The following EYA2 variants were observed in gnomAD, a reference collection of about 807,000 sequenced individuals.
EYA2 encodes protein phosphatase EYA2.
EYA2 carries 31 observed loss-of-function variants against 69.2 expected under a neutral mutation model. The observed-to-expected ratio is 0.45, with a 90% CI of 0.34 to 0.60. The LOEUF (loss-of-function observed/expected upper bound fraction) is 0.60. Among genes scored for constraint, EYA2 ranks in the 20% least tolerant of loss-of-function variants. The pLI is 0.02. For synonymous variants in EYA2, 257 were observed against 279.4 expected, an observed-to-expected ratio of 0.92 and a Z score of 0.80; for missense variants, 622 against 701.2, an observed-to-expected ratio of 0.89 and a Z score of 1.28.
At chr20:46,915,513 G>T (rs1201965196) in intron 1 of EYA2, among the ~76,000 whole-genome samples, 2 of 152,134 alleles carry the variant, frequency 1.3e-5, no homozygotes, top group Non-Finnish European at 2.9e-5. Flanking sequence ...TGGGAAGTTG[G>T]TCTCAGAGCC....
intron 10 of EYA2, among the ~76,000 whole-genome samples, chr20:47,152,553 A>G (rs1600747960): frequency 6.6e-6 from 1 of 151,790 alleles, no homozygotes; most frequent in South Asian, 2.1e-4. Flanking sequence ...GGCTCACGCC[A>G]GTAATCCCAG....
intron 10 of EYA2, among the ~76,000 whole-genome samples, chr20:47,145,625 A>G (rs1404625920): frequency 6.6e-6 from 1 of 152,178 alleles, no homozygotes; most frequent in East Asian, 1.9e-4. Flanking sequence ...TGGTCTGGGC[A>G]TGGTGGCTCA....
chr20:47,085,644 C>CA lies in EYA2; in HGVS notation c.662-3583dup, dbSNP rs555109616. ...CTGGCAACAGAGGGAGACTCTGTCT[C>CA]AAAAAAAAAAAAGAAAGAAAGAAAT... On this transcript the variant is annotated intron_variant, in intron 7 of 15. Coordinates refer to ENST00000327619, the MANE Select transcript of EYA2 (RefSeq NM_005244.5). Among the ~76,000 whole-genome samples, 444 of 124,558 alleles carry CA rather than the reference C, an allele frequency of 3.6e-3. 2 individuals are homozygous for CA. Among genetic ancestry groups the CA allele is most frequent in the African/African-American group, 5.6e-3 (182 of 32,730 alleles). 81.7% of individuals were successfully genotyped at this position (124,558 alleles called of 152,430 possible). A position where few individuals can be genotyped will look rare whatever the true frequency, so the allele number is the denominator to read the frequency against.
In EYA2 at chr20:47,135,818, C is replaced by CAAAAAAAAAAAAA. The variant is rs1201324879; in HGVS notation, c.889-7230_889-7218dup. Among the ~76,000 whole-genome samples, 175 of 32,798 alleles carry CAAAAAAAAAAAAA rather than the reference C, an allele frequency of 5.3e-3. 2 individuals carry two copies. Among genetic ancestry groups the CAAAAAAAAAAAAA allele is most frequent in the Non-Finnish European group, 7.8e-3 (140 of 17,864 alleles). The allele number at this position is 32,798 out of a possible 152,430, so 21.5% of individuals were successfully genotyped here. A position where few individuals can be genotyped will look rare whatever the true frequency, so the allele number is the denominator to read the frequency against. On this transcript the variant is annotated intron_variant, in intron 9 of 15. Coordinates refer to ENST00000327619, the MANE Select transcript of EYA2 (RefSeq NM_005244.5). ...GCAACATAAGGAGACCCTGTCTCTA[C>CAAAAAAAAAAAAA]AAAAAAAAAAAAAAAAAAAAAAACA...
chr20:47,097,378 C>T (rs1302885372), intron 9 of EYA2, among the ~76,000 whole-genome samples: 2 of 152,176 alleles, frequency 1.3e-5, no homozygotes, highest in African/African-American at 4.8e-5. Flanking sequence ...TCTTCCATGC[C>T]TTTTCTTCCA....
chr20:47,074,449 T>C lies in EYA2; in HGVS notation c.661+114T>C, dbSNP rs2031436149. On this transcript the variant is annotated intron_variant, in intron 7 of 15. Coordinates refer to ENST00000327619, the MANE Select transcript of EYA2 (RefSeq NM_005244.5). ...AAACAGGTTACCCAAGGGTCATTCA[T>C]GGATGTGGCCTGAGAGCTTCTCTGA... is the stretch of plus-strand genomic sequence containing the variant. 20 of 1,153,370 alleles carry C rather than the reference T, an allele frequency of 1.7e-5. No individual in the cohort carries two copies. In the East Asian group the frequency reaches 4.4e-4, roughly 25 times the overall value. The allele number at this position is 1,153,370 out of a possible 1,614,324, so 71.4% of individuals were successfully genotyped here. A position where few individuals can be genotyped will look rare whatever the true frequency, so the allele number is the denominator to read the frequency against.
intron 1 of EYA2, among the ~76,000 whole-genome samples, chr20:46,971,548 T>TA (rs1980146827): frequency 6.6e-6 from 1 of 152,234 alleles, no homozygotes; most frequent in African/African-American, 2.4e-5. Flanking sequence ...ATGTAGTCTT[T>TA]ATTCTGGGTA....
intron 2 of EYA2, among the ~76,000 whole-genome samples, chr20:46,993,681 C>T (rs1023866360): frequency 6.6e-6 from 1 of 152,188 alleles, no homozygotes; most frequent in African/African-American, 2.4e-5. Flanking sequence ...CTGACAATGA[C>T]GATAAAGAAG....
chr20:47,142,347 G>A (rs780305158), intron 9 of EYA2, among the ~76,000 whole-genome samples: 1 of 152,208 alleles, frequency 6.6e-6, no homozygotes, highest in Non-Finnish European at 1.5e-5. Context: ...CAGAAAGGAG[G>A]CACTTTCATT....
chr20:47,138,697 G>A (rs2146591892), intron 9 of EYA2, among the ~76,000 whole-genome samples: 1 of 151,988 alleles, frequency 6.6e-6, no homozygotes, highest in African/African-American at 2.4e-5. Context: ...CGAGGCTGCA[G>A]TGAGCCAAGA....
chr20:47,170,922 C>A (rs1297630078), intron 11 of EYA2, among the ~76,000 whole-genome samples: 1 of 152,220 alleles, frequency 6.6e-6, no homozygotes, highest in Non-Finnish European at 1.5e-5. Context: ...TGTTCCTGAG[C>A]CCTGCAAGTC....
chr20:46,927,851 C>T (rs1253998725), intron 1 of EYA2, among the ~76,000 whole-genome samples: 6 of 152,124 alleles, frequency 3.9e-5, no homozygotes, highest in Non-Finnish European at 5.9e-5. Flanking sequence ...CTATAAAATA[C>T]GAGTCGCTAG....
intron 2 of EYA2, among the ~76,000 whole-genome samples, chr20:46,992,774 G>C (rs1461146831): frequency 6.6e-6 from 1 of 152,188 alleles, no homozygotes; most frequent in Non-Finnish European, 1.5e-5. Context: ...AGAACAGGTA[G>C]CGCCAGTGAG....
intron 6 of EYA2, 106 bp from the exon 7 acceptor site, chr20:47,074,052 A>C: frequency 2.7e-6 from 3 of 1,096,204 alleles, no homozygotes; most frequent in Non-Finnish European, 3.8e-6. Context: ...TTCTGCCCAC[A>C]GAGAGCTTTT....
intron 5 of EYA2, among the ~76,000 whole-genome samples, chr20:47,052,454 T>C (rs768203015): frequency 2.6e-5 from 4 of 152,206 alleles, no homozygotes; most frequent in African/African-American, 4.8e-5. Context: ...CTTCAGAGTC[T>C]GTGAACGGAT....
intron 2 of EYA2, among the ~76,000 whole-genome samples, chr20:47,000,133 A>G (rs979175515): frequency 1.3e-5 from 2 of 152,214 alleles, no homozygotes; most frequent in African/African-American, 4.8e-5. Flanking sequence ...TGTTCATCTG[A>G]GGATGAGAAT....
intron 4 of EYA2, 119 bp downstream of exon 4, chr20:47,005,203 G>C (rs1982633540): frequency 1.7e-6 from 2 of 1,153,620 alleles, no homozygotes; most frequent in South Asian, 1.7e-5. Context: ...TTTTGGATTA[G>C]AGATAAAGGG....
At chr20:47,097,277 A>G in intron 9 of EYA2, 109 bp downstream of exon 9, 1 of 811,110 alleles carries the variant, frequency 1.2e-6, no homozygotes, top group Non-Finnish European at 1.9e-6. Flanking sequence ...TTCTCCAACA[A>G]AAGCTGCCCT....
intron 1 of EYA2, among the ~76,000 whole-genome samples, chr20:46,983,490 A>T (rs948419342): frequency 6.6e-6 from 1 of 152,204 alleles, no homozygotes; most frequent in Non-Finnish European, 1.5e-5. Flanking sequence ...AAGGCTCCTC[A>T]TCCTTATTGG....
Sources: allele counts gnomAD v4.1 joint callset (sites outside exome capture counted in the v4.1 genomes callset), GRCh38; gene constraint gnomAD v4.1.1; transcripts MANE v1.5; gene names NCBI Gene and HGNC (gene_info 2026-07-23, HGNC 2026-07-21).